The following RPS6KC1 variants were observed in gnomAD, a reference collection of about 807,000 sequenced individuals.
The protein encoded by RPS6KC1 is inactive ribosomal protein S6 kinase delta-1.
In RPS6KC1, 54 loss-of-function variants were observed where a neutral mutation model predicts 103.8. That is an observed-to-expected ratio of 0.52 (90% CI 0.42 to 0.65). RPS6KC1 has a LOEUF of 0.65. RPS6KC1 is among the 30% of genes least tolerant of loss of function. The pLI, the probability that RPS6KC1 is intolerant of heterozygous loss-of-function variation, is 0.00. For missense variants in RPS6KC1, 1,151 were observed against 1,253.8 expected (o/e 0.92, Z 1.24); for synonymous variants, 439 against 438.7 (o/e 1.00, Z -0.01).
the RPS6KC1 span, among the ~76,000 whole-genome samples, chr1:213,383,083 A>G: frequency 6.6e-6 from 1 of 152,206 alleles, no homozygotes; most frequent in East Asian, 1.9e-4. Context: ...CTTGCCCCAC[A>G]GAGCCTCCAA....
At chr1:213,541,739 A>C in the RPS6KC1 span, among the ~76,000 whole-genome samples, 2 of 152,178 alleles carry the variant, frequency 1.3e-5, no homozygotes, top group African/African-American at 4.8e-5. Context: ...CTGTGTGGAG[A>C]CTAGGAATGG....
chr1:213,083,039 T>C (rs952011357), intron 3 of RPS6KC1, among the ~76,000 whole-genome samples: 1 of 152,178 alleles, frequency 6.6e-6, no homozygotes, highest in East Asian at 1.9e-4. Flanking sequence ...GCTATCACTT[T>C]TGTTTAATTG....
the RPS6KC1 span, among the ~76,000 whole-genome samples, chr1:213,602,726 C>A: frequency 1.3e-5 from 2 of 152,246 alleles, no homozygotes; most frequent in South Asian, 4.2e-4. Context: ...CAAAGATATA[C>A]CCATTTCTTA....
the RPS6KC1 span, among the ~76,000 whole-genome samples, chr1:213,344,286 T>A: frequency 6.6e-6 from 1 of 152,136 alleles, no homozygotes; most frequent in African/African-American, 2.4e-5. Flanking sequence ...AAAAAGTAAA[T>A]TTTACTCACT....
At chr1:213,066,312 C>T (rs563244446) in intron 1 of RPS6KC1, among the ~76,000 whole-genome samples, 41 of 152,278 alleles carry the variant, frequency 2.7e-4, no homozygotes, top group Admixed American at 1.2e-3. Flanking sequence ...GGAAGTATAA[C>T]CCTGTGCTTT....
chr1:213,737,658 G>A, the RPS6KC1 span, among the ~76,000 whole-genome samples: 1 of 152,202 alleles, frequency 6.6e-6, no homozygotes, highest in African/African-American at 2.4e-5. Context: ...CAAGGTTAAT[G>A]TGGACAAGCA....
the RPS6KC1 span, among the ~76,000 whole-genome samples, chr1:213,589,458 G>A: frequency 6.6e-6 from 1 of 152,030 alleles, no homozygotes; most frequent in Non-Finnish European, 1.5e-5. Context: ...TGGCCAACAT[G>A]GTGAAACCCC....
At chr1:213,488,146 T>TG in the RPS6KC1 span, among the ~76,000 whole-genome samples, 1 of 152,242 alleles carries the variant, frequency 6.6e-6, no homozygotes, top group Non-Finnish European at 1.5e-5. Context: ...CCTATCTCCT[T>TG]GGCAAAAGCC....
chr1:213,134,844 CA>C (rs2086090747), intron 6 of RPS6KC1, among the ~76,000 whole-genome samples: 1 of 152,112 alleles, frequency 6.6e-6, no homozygotes, highest in African/African-American at 2.4e-5. Context: ...TACTGAAGGG[CA>C]ACTGTATAAG....
chr1:213,605,796 C>T, the RPS6KC1 span, among the ~76,000 whole-genome samples: 5 of 152,126 alleles, frequency 3.3e-5, no homozygotes, highest in Non-Finnish European at 5.9e-5. Flanking sequence ...AGAGCAAGGA[C>T]GACACTCCCA....
chr1:213,803,489 C>T, the RPS6KC1 span, among the ~76,000 whole-genome samples: 7 of 152,042 alleles, frequency 4.6e-5, no homozygotes, highest in African/African-American at 9.7e-5. Flanking sequence ...CCAGGTGATC[C>T]GCCCGCCTCG....
chr1:213,220,490 C>T (rs2093803883), intron 8 of RPS6KC1, among the ~76,000 whole-genome samples: 1 of 152,058 alleles, frequency 6.6e-6, no homozygotes. Flanking sequence ...CCTCACCCAG[C>T]TGATTTTTGT....
chr1:213,613,542 GC>G, the RPS6KC1 span, among the ~76,000 whole-genome samples: 4 of 152,176 alleles, frequency 2.6e-5, no homozygotes, highest in African/African-American at 7.2e-5. Flanking sequence ...ACTATCACTG[GC>G]ATTAGAACTG....
the RPS6KC1 span, among the ~76,000 whole-genome samples, chr1:213,317,866 A>T: frequency 1.1e-4 from 16 of 152,186 alleles, no homozygotes; most frequent in African/African-American, 3.9e-4. Flanking sequence ...CCATGAGATG[A>T]TTTACCAGAT....
chr1:213,268,881 T>G (rs990039161), intron 14 of RPS6KC1, among the ~76,000 whole-genome samples: 1 of 150,952 alleles, frequency 6.6e-6, no homozygotes, highest in Non-Finnish European at 1.5e-5. Context: ...TGAAAATTAG[T>G]AGAGAAACTA....
At chr1:213,779,250 T>C in the RPS6KC1 span, among the ~76,000 whole-genome samples, 1 of 152,120 alleles carries the variant, frequency 6.6e-6, no homozygotes, top group African/African-American at 2.4e-5. Context: ...TAAGGAGGCA[T>C]AGCAACTGAA....
At chr1:213,553,668 T>C in the RPS6KC1 span, among the ~76,000 whole-genome samples, 2 of 152,092 alleles carry the variant, frequency 1.3e-5, no homozygotes, top group African/African-American at 4.8e-5. Context: ...CGTTTCCTTT[T>C]CTCCGCAACA....
At chr1:213,062,809 TC>T (rs1345951696) in intron 1 of RPS6KC1, among the ~76,000 whole-genome samples, 3 of 152,152 alleles carry the variant, frequency 2.0e-5, no homozygotes, top group Non-Finnish European at 2.9e-5. Flanking sequence ...AGCCTCGGCC[TC>T]CCAAGGTGCT....
At chr1:213,254,366 AC>A (rs1558639989) in intron 12 of RPS6KC1, among the ~76,000 whole-genome samples, 2 of 152,136 alleles carry the variant, frequency 1.3e-5, no homozygotes, top group South Asian at 2.1e-4. Context: ...AGATTTAGTG[AC>A]CCTGATTCAT....
Sources: allele counts gnomAD v4.1 joint callset (sites outside exome capture counted in the v4.1 genomes callset), GRCh38; gene constraint gnomAD v4.1.1; transcripts MANE v1.5; gene names NCBI Gene and HGNC (gene_info 2026-07-23, HGNC 2026-07-21).